The following RIMS1 variants were observed in gnomAD, a reference collection of about 807,000 sequenced individuals.
RIMS1 encodes the protein regulating synaptic membrane exocytosis 1.
RIMS1 carries 83 observed loss-of-function variants against 214.1 expected under a neutral mutation model. The ratio of observed to expected loss-of-function variants is 0.39; its 90% confidence interval spans 0.32 to 0.47. The LOEUF (loss-of-function observed/expected upper bound fraction) is 0.47, where lower values mean the gene tolerates loss of function less well. Ranked by LOEUF, RIMS1 falls within the 20% of genes least tolerant of loss-of-function variation. The pLI is 0.99. For missense variants in RIMS1, 2,050 were observed against 2,161.8 expected, an observed-to-expected ratio of 0.95 and a Z score of 1.03; for synonymous variants, 793 against 786.8, an observed-to-expected ratio of 1.01 and a Z score of -0.13.
At chr6:72,005,643 C>T (rs905963646) in intron 2 of RIMS1, among the ~76,000 whole-genome samples, 4 of 152,160 alleles carry the variant, frequency 2.6e-5, no homozygotes, top group Non-Finnish European at 5.9e-5. Flanking sequence ...GCCTCTATTA[C>T]AGTACTTCTG....
intron 1 of RIMS1, among the ~76,000 whole-genome samples, chr6:71,946,746 C>T (rs1453283841): frequency 6.6e-6 from 1 of 151,546 alleles, no homozygotes; most frequent in African/African-American, 2.4e-5. Flanking sequence ...GGGTATGACC[C>T]CAAAAGTATA....
intron 1 of RIMS1, among the ~76,000 whole-genome samples, chr6:71,949,245 AT>A (rs927085366): frequency 3.9e-5 from 6 of 152,190 alleles, no homozygotes; most frequent in African/African-American, 1.4e-4. Context: ...AGGATGTATA[AT>A]TTTTGGGGAC....
intron 2 of RIMS1, among the ~76,000 whole-genome samples, chr6:72,026,423 C>A (rs1252941986): frequency 6.7e-6 from 1 of 149,286 alleles, no homozygotes; most frequent in Admixed American, 6.7e-5. Context: ...CTCAAAAATT[C>A]TGTGCCTAAT....
intron 4 of RIMS1, among the ~76,000 whole-genome samples, chr6:72,140,100 GACTAAGTGGAGCT>G (rs1460536991): frequency 1.3e-5 from 2 of 152,064 alleles, no homozygotes; most frequent in African/African-American, 4.8e-5. Flanking sequence ...TCTGAGCTCT[GACTAAGTGGAGCT>G]ATCTTGGTTT....
intron 2 of RIMS1, among the ~76,000 whole-genome samples, chr6:71,982,999 C>A (rs1798876757): frequency 6.6e-6 from 1 of 152,058 alleles, no homozygotes; most frequent in Admixed American, 6.6e-5. Context: ...TATTTCTACC[C>A]CGAGCTTTTG....
intron 4 of RIMS1, among the ~76,000 whole-genome samples, chr6:72,160,591 G>C (rs1238429637): frequency 7.1e-6 from 1 of 140,432 alleles, no homozygotes; most frequent in Non-Finnish European, 1.6e-5. Flanking sequence ...TTTTTAGCAT[G>C]AAGGGCTGTT....
At chr6:71,913,439 A>G (rs1403585889) in intron 1 of RIMS1, among the ~76,000 whole-genome samples, 1 of 152,132 alleles carries the variant, frequency 6.6e-6, no homozygotes, top group Non-Finnish European at 1.5e-5. Flanking sequence ...TCTTTTTATA[A>G]GTTTTGCAAT....
At chr6:72,217,495 A>G (rs1178246396) in intron 6 of RIMS1, among the ~76,000 whole-genome samples, 1 of 152,188 alleles carries the variant, frequency 6.6e-6, no homozygotes, top group Non-Finnish European at 1.5e-5. Context: ...ATTACATTTA[A>G]GTCTTAACTT....
At chr6:72,378,014 TC>T (rs2098420787) in intron 29 of RIMS1, among the ~76,000 whole-genome samples, 1 of 152,146 alleles carries the variant, frequency 6.6e-6, no homozygotes, top group Non-Finnish European at 1.5e-5. Flanking sequence ...TCATAAGCAC[TC>T]AAGAATAAAT....
At chr6:72,244,634 A>T (rs1337922882) in intron 10 of RIMS1, among the ~76,000 whole-genome samples, 1 of 151,858 alleles carries the variant, frequency 6.6e-6, no homozygotes, top group African/African-American at 2.4e-5. Context: ...ATTGTAAATT[A>T]GTCTTTTAAT....
rs182416844 is a variant in RIMS1, at chr6:72,361,199, C to A, written c.4366+27364C>A. On this transcript the variant is annotated intron_variant, in intron 29 of 33. Transcript: ENST00000521978. ...CTCAGCTCACTGCAACCACCGTCTCCGGTTCAAGCAATACTCCTGCCTCAG... is the reference window on the plus strand; with the variant it reads ...CTCAGCTCACTGCAACCACCGTCTCAGGTTCAAGCAATACTCCTGCCTCAG... Among the ~76,000 whole-genome samples, 337 of 146,572 alleles carry A rather than the reference C, an allele frequency of 2.3e-3. 7 individuals are homozygous for A. Among genetic ancestry groups the A allele is most frequent in the Admixed American group, 0.019 (272 of 14,240 alleles).
chr6:72,230,159 A>G (rs956559795), intron 6 of RIMS1, among the ~76,000 whole-genome samples: 7 of 151,818 alleles, frequency 4.6e-5, no homozygotes, highest in African/African-American at 1.7e-4. Context: ...ATTAATATCT[A>G]GAAAGAACAA....
chr6:72,238,655 GC>G (rs2065331399), intron 9 of RIMS1, among the ~76,000 whole-genome samples: 2 of 151,994 alleles, frequency 1.3e-5, no homozygotes, highest in African/African-American at 4.8e-5. Flanking sequence ...TGACTTGACT[GC>G]AGAGCTTAGT....
intron 9 of RIMS1, among the ~76,000 whole-genome samples, chr6:72,239,757 T>C (rs2065916001): frequency 6.6e-6 from 1 of 152,186 alleles, no homozygotes; most frequent in Non-Finnish European, 1.5e-5. Flanking sequence ...TTCCTAGTTA[T>C]CATTTGTTCA....
intron 2 of RIMS1, among the ~76,000 whole-genome samples, chr6:72,033,119 C>A (rs1209371123): frequency 6.6e-6 from 1 of 152,186 alleles, no homozygotes; most frequent in Non-Finnish European, 1.5e-5. Context: ...CCTCCCGTTT[C>A]TTTGTAACTG....
intron 22 of RIMS1, 51 bp from the exon 23 acceptor site, chr6:72,274,298 A>C (rs1157940597): frequency 2.4e-5 from 30 of 1,259,814 alleles, no homozygotes; most frequent in Non-Finnish European, 3.2e-5. Flanking sequence ...CTTTTATTTT[A>C]GGAGTTACTA....
At chr6:72,260,801 G>C in intron 19 of RIMS1, 34 bp downstream of exon 19, 1 of 1,608,284 alleles carries the variant, frequency 6.2e-7, no homozygotes. Flanking sequence ...GTGACTGTGT[G>C]TGATGACTCT....
At chr6:71,908,364 T>G (rs1775885314) in intron 1 of RIMS1, among the ~76,000 whole-genome samples, 1 of 152,180 alleles carries the variant, frequency 6.6e-6, no homozygotes, top group South Asian at 2.1e-4. Flanking sequence ...TGATTTTTCT[T>G]GTCTGGCCCT....
chr6:71,996,163 T>C (rs1199580691), intron 2 of RIMS1, among the ~76,000 whole-genome samples: 3 of 152,106 alleles, frequency 2.0e-5, no homozygotes, highest in Non-Finnish European at 4.4e-5. Flanking sequence ...AGAGGCACCA[T>C]CTCCCAAGTA....
Sources: gnomAD v4.1 joint callset for allele counts (sites outside exome capture counted in the v4.1 genomes callset) on GRCh38, gnomAD v4.1.1 for gene constraint, MANE v1.5 for transcripts, NCBI Gene and HGNC (gene_info 2026-07-23, HGNC 2026-07-21) for gene names.